Variants in CHD1 observed in about 807,000 individuals in gnomAD.
CHD1 encodes ATP-dependent chromatin remodeler CHD1.
Under a neutral mutation model 224.2 loss-of-function variants are expected in CHD1, and 36 were observed. The observed-to-expected ratio is 0.16, with a 90% CI of 0.12 to 0.21. The LOEUF (loss-of-function observed/expected upper bound fraction) is 0.21. Among genes scored for constraint, CHD1 ranks in the 10% least tolerant of loss-of-function variants. The pLI is 1.00. For missense variants in CHD1, 1,378 were observed against 1,994.8 expected (o/e 0.69, Z 5.89); for synonymous variants, 668 against 658.3 (o/e 1.01, Z -0.23).
intron 2 of CHD1, among the ~76,000 whole-genome samples, chr5:98,913,749 A>G (rs1243313112): frequency 6.6e-6 from 1 of 151,732 alleles, no homozygotes; most frequent in Non-Finnish European, 1.5e-5. Flanking sequence ...TGTGCCAGAT[A>G]TTAGGTTCTT....
At chr5:98,898,582 T>C in intron 9 of CHD1, 82 bp downstream of exon 9, 1 of 1,213,192 alleles carries the variant, frequency 8.2e-7, no homozygotes. Flanking sequence ...CTGTGTTTGA[T>C]ATGTAAGTGG....
Position 98,856,431 on chromosome 5 carries a change from TG to T in CHD1, c.5081del (p.Ser1694Ter). 12 of 1,612,564 alleles carry T rather than the reference TG, an allele frequency of 7.4e-6. No individual in the cohort carries two copies. Among genetic ancestry groups the T allele is most frequent in the Non-Finnish European group, 1.0e-5 (12 of 1,179,436 alleles). ...PYGSRSPFEH[S>X]VEHKSTPEHT... ...GCTCCGGTGTACTTTTGTGTTCAAC[TG>T]AATGTTCAAATGGAGATCTGGAGCC... On this transcript the variant is annotated frameshift_variant, in exon 36 of 36. Coordinates refer to ENST00000614616, the MANE Select transcript of CHD1 (RefSeq NM_001270.4). LOFTEE classifies it high-confidence loss of function.
At chr5:98,911,130 GAAAAAA>G (rs11451331) in intron 2 of CHD1, among the ~76,000 whole-genome samples, 3 of 44,040 alleles carry the variant, frequency 6.8e-5, no homozygotes, top group African/African-American at 3.3e-4. Context: ...GTGCTAAAAT[GAAAAAA>G]AAAAAAAAAA....
At chr5:98,893,375 A>C in intron 14 of CHD1, 41 bp downstream of exon 14, 1 of 1,378,968 alleles carries the variant, frequency 7.3e-7, no homozygotes, top group South Asian at 1.4e-5. Context: ...CACTAAACAT[A>C]ATATCCACAC....
Position 98,872,152 on chromosome 5 carries a change from C to T in CHD1, c.3760G>A (p.Gly1254Ser), listed in dbSNP as rs1345484342. 1.2e-6 allele frequency: 2 copies of T among 1,613,500 alleles called. No homozygotes were observed. Among genetic ancestry groups the T allele is most frequent in the Non-Finnish European group, 1.7e-6 (2 of 1,179,720 alleles). ...TKAAHFDIDW[G>S]KEDDSNLLIG... ...AACAAATTGGAATCATCTTCTTTGC[C>T]CCAGTCTATATCAAAATGAGCTGCC... Residue 1254 changes from glycine (G) to serine (S), a missense_variant, in exon 28 of 36, where the codon GGC becomes AGC. Transcript: ENST00000614616.
intron 31 of CHD1, among the ~76,000 whole-genome samples, chr5:98,867,270 G>C (rs1199188077): frequency 6.6e-6 from 1 of 152,032 alleles, no homozygotes; most frequent in Non-Finnish European, 1.5e-5. Flanking sequence ...GAACGCAAAG[G>C]CATGACAACA....
intron 2 of CHD1, among the ~76,000 whole-genome samples, chr5:98,919,207 G>A (rs921070008): frequency 2.6e-5 from 4 of 152,120 alleles, no homozygotes; most frequent in African/African-American, 4.8e-5. Flanking sequence ...TGAAGGAATT[G>A]TTCTGTACAT....
chr5:98,858,448 T>G (rs923635783), intron 34 of CHD1, 58 bp from the exon 35 acceptor site: 9 of 1,381,604 alleles, frequency 6.5e-6, no homozygotes, highest in African/African-American at 5.8e-5. Context: ...CAAAAAAAAC[T>G]TAGTTGATAG....
chr5:98,873,666 T>C lies in CHD1; in HGVS notation c.3498A>G (p.Arg1166=). The part of the protein sequence containing the change: ...ELVDKSETDL[R]RLGELVHNGC... ...CATTATGTACCAATTCTCCCAGTCG[T>C]CTAAGGTCTGTTTCTGACTTATCAA... Residue 1166 remains arginine, a synonymous_variant, in exon 26 of 36, where the codon AGA becomes AGG. Transcript: ENST00000614616. 6.2e-7 allele frequency: 1 copy of C among 1,610,750 alleles called. No homozygotes were observed. The highest frequency in any genetic ancestry group is 8.5e-7 in the Non-Finnish European group (1 of 1,178,720).
rs1389242263 is a variant in CHD1 at position 98,863,596 on chromosome 5, G to A, written c.4249-10C>T. ...TCATTCTTTCTTTACACTTTAAAAT[G>A]AGAAAACAAGAATATAAACACATGT... On this transcript the variant is annotated splice_polypyrimidine_tract_variant and intron_variant, in intron 31 of 35. Transcript: ENST00000614616. 1.9e-6 allele frequency: 3 copies of A among 1,582,748 alleles called. No homozygotes were observed. The highest frequency in any genetic ancestry group is 1.2e-5 in the South Asian group (1 of 85,316).
At chr5:98,882,912 T>C (rs1003636717) in intron 19 of CHD1, among the ~76,000 whole-genome samples, 176 bp downstream of exon 19, 2 of 152,162 alleles carry the variant, frequency 1.3e-5, no homozygotes, top group African/African-American at 4.8e-5. Flanking sequence ...GTTATCTCAA[T>C]TCTGTCAGAC....
rs747727400 is a variant in CHD1 at position 98,888,038 on chromosome 5, GC to G, written c.2496+49del. ...AATTTCAGTTAATTCTGTAAAATAT[GC>G]ACAGGAATTAGATAAAATTTAAAAC... On this transcript the variant is annotated intron_variant, in intron 17 of 35. Transcript: ENST00000614616. 3.1e-5 allele frequency: 38 copies of G among 1,214,356 alleles called. No homozygotes were observed. The Admixed American group carries it at 8.6e-4, about 27-fold the overall frequency. 75.2% of individuals were successfully genotyped at this position (1,214,356 alleles called of 1,614,324 possible). A position where few individuals can be genotyped will look rare whatever the true frequency, so the allele number is the denominator to read the frequency against.
intron 12 of CHD1, among the ~76,000 whole-genome samples, chr5:98,895,655 AG>A (rs1751296450): frequency 1.3e-5 from 2 of 151,778 alleles, no homozygotes; most frequent in African/African-American, 4.8e-5. Flanking sequence ...TGGAAGGGTG[AG>A]GCAGAAGAAT....
At chr5:98,857,188 TTCC>T (rs1387813236) in intron 35 of CHD1, among the ~76,000 whole-genome samples, 2 of 152,150 alleles carry the variant, frequency 1.3e-5, no homozygotes, top group African/African-American at 4.8e-5. Flanking sequence ...TATTAAAAGC[TTCC>T]TCAAGTTTGA....
In CHD1 at chr5:98,899,614, C is replaced by A; in HGVS notation, c.951G>T (p.Gln317His). The change falls in exon 8 of 36, where the codon CAG becomes CAT. Residue 317 changes from glutamine (Q) to histidine (H), a missense_variant. By Grantham distance (24) the Gln-to-His change is conservative (BLOSUM62 0). Around this residue, in one of 16 missense-constraint regions of CHD1, gnomAD observed 6 missense variants for 37.0 expected, o/e 0.16. Coordinates refer to ENST00000614616, the MANE Select transcript of CHD1 (RefSeq NM_001270.4). ...ACCATCCTTTCCATTTAATTAAATA[C>A]TGAATCTCTCCTGGTTCTTTGTTTT... ...FEKNKEPGEI[Q>H]YLIKWKGWSH... is the part of the protein sequence containing the mutation. 6.2e-7 allele frequency: 1 copy of A among 1,613,836 alleles called. No homozygotes were observed.
rs753768357 is a variant in CHD1, at chr5:98,869,791, G to C, written c.4070C>G (p.Pro1357Arg). 28 of 1,613,062 alleles carry C rather than the reference G, an allele frequency of 1.7e-5. No homozygotes were observed. The highest frequency in any genetic ancestry group is 2.7e-5 in the African/African-American group (2 of 74,896). Residue 1357 changes from proline (P) to arginine (R), a missense_variant, in exon 30 of 36, where the codon CCT (proline) becomes CGT (arginine). By Grantham distance (103) the Pro-to-Arg change is moderately radical. Transcript: ENST00000614616. Reference sequence around the variant, plus strand: ...TTCATCAGACTTCTCTGAAGGCAGAGGAGAAGAATCACTCTTTATTTCCTC... The same window carrying C: ...TTCATCAGACTTCTCTGAAGGCAGACGAGAAGAATCACTCTTTATTTCCTC... ...VKEEIKSDSS[P>R]LPSEKSDEDD...
In CHD1 at chr5:98,901,204, C is replaced by T. The variant is rs772983526; in HGVS notation, c.569G>A (p.Ser190Asn). Residue 190 changes from serine (S) to asparagine (N), a missense_variant, in exon 6 of 36, where the codon AGC becomes AAC. Transcript: ENST00000614616. ...SDYEPKNKVK[S>N]RKPQNRSKSK... ...ACCATACCTATTTTGAGGTTTTCTG[C>T]TTTTGACTTTGTTTTTTGGCTCATA... 2.5e-6 allele frequency: 4 copies of T among 1,611,994 alleles called. No homozygotes were observed. The South Asian group carries it at 4.4e-5, about 18-fold the overall frequency.
At chr5:98,906,995 G>A (rs1017527855) in intron 2 of CHD1, among the ~76,000 whole-genome samples, 1 of 152,198 alleles carries the variant, frequency 6.6e-6, no homozygotes, top group African/African-American at 2.4e-5. Context: ...GTGAACAGTA[G>A]ACAGATGAAT....
intron 26 of CHD1, 113 bp from the exon 27 acceptor site, chr5:98,872,668 T>C: frequency 1.1e-6 from 1 of 873,590 alleles, no homozygotes; most frequent in African/African-American, 1.7e-5. Flanking sequence ...ATTCCTTATT[T>C]ATATTATTAA....
Sources: gnomAD v4.1 joint callset for allele counts (sites outside exome capture counted in the v4.1 genomes callset) on GRCh38, gnomAD v4.1.1 for gene constraint, gnomAD v4.1.1 regional missense constraint, MANE v1.5 for transcripts, NCBI Gene and HGNC (gene_info 2026-07-23, HGNC 2026-07-21) for gene names.